The following STXBP5L variants were observed in gnomAD, a reference collection of about 807,000 sequenced individuals.
STXBP5L encodes the protein syntaxin binding protein 5L, also known as syntaxin-binding protein 5-like.
STXBP5L carries 65 observed loss-of-function variants against 144.5 expected under a neutral mutation model. The observed-to-expected ratio is 0.45, with a 90% CI of 0.37 to 0.55. The LOEUF (loss-of-function observed/expected upper bound fraction) is 0.55, where lower values mean the gene tolerates loss of function less well. STXBP5L is among the 20% of genes least tolerant of loss of function. The pLI, the probability that STXBP5L is intolerant of heterozygous loss-of-function variation, is 0.00. For missense variants in STXBP5L, 1,298 were observed against 1,405.5 expected (o/e 0.92, Z 1.22); for synonymous variants, 505 against 469.6 (o/e 1.08, Z -0.97).
intron 20 of STXBP5L, among the ~76,000 whole-genome samples, chr3:121,354,211 G>A (rs146308614): frequency 0.017 from 2,518 of 152,270 alleles, 63 homozygotes; most frequent in African/African-American, 0.057. Flanking sequence ...TTGTTGCAGA[G>A]CTGAGTTCAA....
intron 24 of STXBP5L, among the ~76,000 whole-genome samples, chr3:121,415,621 T>C (rs914767737): frequency 3.3e-5 from 5 of 152,006 alleles, no homozygotes; most frequent in Non-Finnish European, 7.4e-5. Flanking sequence ...CATGCTTTGA[T>C]GGAAGGAAGA....
At chr3:121,164,761 A>G (rs189132343) in intron 9 of STXBP5L, among the ~76,000 whole-genome samples, 100 of 152,356 alleles carry the variant, frequency 6.6e-4, no homozygotes, top group Middle Eastern at 3.4e-3. Flanking sequence ...CCTGGAGGAC[A>G]TTATGCTAAG....
chr3:121,186,520 T>G (rs574025604), intron 9 of STXBP5L, among the ~76,000 whole-genome samples: 2 of 152,348 alleles, frequency 1.3e-5, no homozygotes, highest in Non-Finnish European at 1.5e-5. Context: ...TTGAATTTTG[T>G]CAAAGGCCTT....
At chr3:120,974,697 T>C (rs928601164) in intron 3 of STXBP5L, among the ~76,000 whole-genome samples, 1 of 152,210 alleles carries the variant, frequency 6.6e-6, no homozygotes. Flanking sequence ...AAGTCTTTAA[T>C]CCATCTTGAA....
At chr3:121,377,255 C>G (rs2046210546) in intron 20 of STXBP5L, among the ~76,000 whole-genome samples, 1 of 152,192 alleles carries the variant, frequency 6.6e-6, no homozygotes, top group South Asian at 2.1e-4. Context: ...GCCAGAACTT[C>G]CATTCAGGAC....
At chr3:121,069,850 G>T (rs1035895210) in intron 5 of STXBP5L, among the ~76,000 whole-genome samples, 5 of 151,982 alleles carry the variant, frequency 3.3e-5, no homozygotes, top group Non-Finnish European at 1.5e-5. Flanking sequence ...TGTTGAAGAC[G>T]ATTTTTTCAT....
intron 3 of STXBP5L, among the ~76,000 whole-genome samples, chr3:120,962,185 CAGAT>C (rs1460536972): frequency 2.0e-5 from 3 of 152,118 alleles, no homozygotes; most frequent in South Asian, 2.1e-4. Flanking sequence ...AGCCCTTTGT[CAGAT>C]AGGTAGATTG....
At chr3:121,269,811 G>C (rs1446185626) in intron 18 of STXBP5L, among the ~76,000 whole-genome samples, 1 of 152,118 alleles carries the variant, frequency 6.6e-6, no homozygotes, top group East Asian at 1.9e-4. Context: ...AAACATAACT[G>C]TAAATGCCTT....
intron 19 of STXBP5L, among the ~76,000 whole-genome samples, chr3:121,295,251 G>A (rs1179342792): frequency 6.6e-6 from 1 of 152,080 alleles, no homozygotes; most frequent in Non-Finnish European, 1.5e-5. Context: ...TCAAAGCACA[G>A]GTACAAGGAC....
At chr3:121,160,516 T>G (rs1302386488) in intron 9 of STXBP5L, among the ~76,000 whole-genome samples, 1 of 152,228 alleles carries the variant, frequency 6.6e-6, no homozygotes, top group Non-Finnish European at 1.5e-5. Flanking sequence ...TGATTTAAAG[T>G]ATACAGGAGG....
chr3:121,020,523 T>C (rs1209103337), intron 3 of STXBP5L, among the ~76,000 whole-genome samples: 1 of 152,168 alleles, frequency 6.6e-6, no homozygotes, highest in African/African-American at 2.4e-5. Context: ...AAGCATCAAG[T>C]AACCTATAAA....
At chr3:121,151,750 T>G (rs2045940651) in intron 7 of STXBP5L, among the ~76,000 whole-genome samples, 1 of 152,082 alleles carries the variant, frequency 6.6e-6, no homozygotes, top group Non-Finnish European at 1.5e-5. Context: ...ATAGGTTAAA[T>G]TTTCTGTCAT....
At chr3:121,398,083 T>G (rs2046777442) in intron 22 of STXBP5L, among the ~76,000 whole-genome samples, 1 of 152,266 alleles carries the variant, frequency 6.6e-6, no homozygotes, top group Non-Finnish European at 1.5e-5. Flanking sequence ...ATTTTACTTT[T>G]TCCGATTCCC....
chr3:121,157,677 G>A lies in STXBP5L; in HGVS notation c.877+50G>A, dbSNP rs751031263. ...ATAAACACTGGCAATTCAGTGCCTT[G>A]ACTTGAAGTAAGAGAGATGGTATTA... is the stretch of plus-strand genomic sequence containing the variant. On this transcript the variant is annotated intron_variant, in intron 9 of 26. Coordinates refer to ENST00000471454, the MANE Select transcript of STXBP5L (RefSeq NM_001308330.2). 9 of 1,564,812 alleles carry A rather than the reference G, an allele frequency of 5.8e-6. No homozygotes were observed. The African/African-American group carries it at 9.8e-5, about 17-fold the overall frequency.
Position 121,250,862 on chromosome 3 carries a change from T to C in STXBP5L, c.1441+99T>C, listed in dbSNP as rs1050281123. 6.2e-5 allele frequency: 63 copies of C among 1,009,428 alleles called. No individual in the cohort carries two copies. The African/African-American group carries it at 9.8e-4, about 16-fold the overall frequency. The allele number at this position is 1,009,428 out of a possible 1,614,324, so 62.5% of individuals were successfully genotyped here. A position where few individuals can be genotyped will look rare whatever the true frequency, so the allele number is the denominator to read the frequency against. The stretch of plus-strand genomic sequence containing the variant: ...TTGGGCAATTAAAATTTCAGATATA[T>C]TTTTAGCACACATATGTGGCTGTGT... On this transcript the variant is annotated intron_variant, in intron 15 of 26. Transcript: ENST00000471454.
intron 20 of STXBP5L, among the ~76,000 whole-genome samples, chr3:121,366,041 GT>G: frequency 6.6e-6 from 1 of 151,744 alleles, no homozygotes; most frequent in Non-Finnish European, 1.5e-5. Context: ...AGAGAGTGTT[GT>G]TTAATTTCCA....
chr3:121,349,957 C>T (rs1373519072), intron 20 of STXBP5L, among the ~76,000 whole-genome samples: 1 of 152,082 alleles, frequency 6.6e-6, no homozygotes, highest in African/African-American at 2.4e-5. Context: ...AGCCCATTTA[C>T]ATTTAAGGTT....
At chr3:121,407,721 A>G (rs1292683220) in intron 23 of STXBP5L, 118 bp downstream of exon 23, 3 of 1,352,070 alleles carry the variant, frequency 2.2e-6, no homozygotes, top group Non-Finnish European at 3.0e-6. Flanking sequence ...TTATTGTTTC[A>G]TTATGTTTCT....
chr3:121,080,032 T>A (rs1247340910), intron 5 of STXBP5L, among the ~76,000 whole-genome samples: 3 of 152,220 alleles, frequency 2.0e-5, no homozygotes, highest in Admixed American at 2.0e-4. Context: ...AATTTAGAAT[T>A]GTAATATCTT....
Sources: allele counts gnomAD v4.1 joint callset (sites outside exome capture counted in the v4.1 genomes callset), GRCh38; gene constraint gnomAD v4.1.1; transcripts MANE v1.5; gene names NCBI Gene and HGNC (gene_info 2026-07-23, HGNC 2026-07-21).